The following ZFYVE26 variants were observed in gnomAD, a reference collection of about 807,000 sequenced individuals.
ZFYVE26 encodes the protein zinc finger FYVE domain-containing protein 26.
ZFYVE26 carries 181 observed loss-of-function variants against 276.5 expected under a neutral mutation model. The ratio of observed to expected loss-of-function variants is 0.65; its 90% CI spans 0.58 to 0.74. ZFYVE26 has a LOEUF of 0.74. ZFYVE26 is among the 30% of genes least tolerant of loss of function. ZFYVE26 has a pLI of 0.00. For synonymous variants in ZFYVE26, 1,129 were observed against 1,203.1 expected (o/e 0.94, Z 1.27); for missense variants, 2,821 against 3,097.9 (o/e 0.91, Z 2.12).
intron 37 of ZFYVE26, 59 bp downstream of exon 37, chr14:67,754,992 C>A: frequency 6.3e-7 from 1 of 1,586,934 alleles, no homozygotes; most frequent in South Asian, 1.1e-5. Context: ...TCATCACCTA[C>A]AGACAACTGC....
chr14:67,797,393 A>T (rs990101649), intron 12 of ZFYVE26: 14 of 474,820 alleles, frequency 2.9e-5, no homozygotes, highest in Admixed American at 9.9e-5. Flanking sequence ...ATACATCTGT[A>T]TATATAAAAG....
chr14:67,760,857 G>GA lies in ZFYVE26; in HGVS notation c.6588+508dup, dbSNP rs1325256115. 7 of 201,664 alleles carry GA rather than the reference G, an allele frequency of 3.5e-5. No homozygotes were observed. The South Asian group carries it at 6.4e-4, about 18-fold the overall frequency. The allele number at this position is 201,664 out of a possible 1,614,324, so 12.5% of individuals were successfully genotyped here. A position where few individuals can be genotyped will look rare whatever the true frequency, so the allele number is the denominator to read the frequency against. ...GGGAGGGGGGCAGAGGATGGGAGAAGAAAAAAAGGAGAGCATATTCTTCTT... is the reference window on the plus strand; with the variant it reads ...GGGAGGGGGGCAGAGGATGGGAGAAGAAAAAAAAGGAGAGCATATTCTTCTT... On this transcript the variant is annotated intron_variant, in intron 35 of 41. Coordinates refer to ENST00000347230, the MANE Select transcript of ZFYVE26 (RefSeq NM_015346.4).
At chr14:67,761,157 C>A in intron 35 of ZFYVE26, 1 of 683,962 alleles carries the variant, frequency 1.5e-6, no homozygotes, top group South Asian at 1.5e-5. Context: ...CTGGTGAGGG[C>A]AGTGATTTGG....
intron 35 of ZFYVE26, among the ~76,000 whole-genome samples, chr14:67,757,680 T>C (rs754816598): frequency 1.4e-5 from 2 of 144,782 alleles, no homozygotes; most frequent in Middle Eastern, 3.4e-3. Flanking sequence ...CTTTCTTTCT[T>C]TCTCTCTCTC....
intron 4 of ZFYVE26, among the ~76,000 whole-genome samples, chr14:67,808,726 T>A (rs1294324605): frequency 6.6e-6 from 1 of 152,064 alleles, no homozygotes; most frequent in Non-Finnish European, 1.5e-5. Flanking sequence ...ACTGTAAATA[T>A]GTCTTTAATT....
At chr14:67,739,526 CT>C (rs1303354104) in intron 13 of ZFYVE26, among the ~76,000 whole-genome samples, 1 of 150,444 alleles carries the variant, frequency 6.6e-6, no homozygotes, top group South Asian at 2.1e-4. Context: ...TTTTTTTTTA[CT>C]TTTTTTTCTT....
intron 13 of ZFYVE26, among the ~76,000 whole-genome samples, chr14:67,739,986 T>A (rs902720015): frequency 6.6e-6 from 1 of 151,978 alleles, no homozygotes; most frequent in Non-Finnish European, 1.5e-5. Context: ...GGAATGGGGG[T>A]GGGAGGGTGG....
At chr14:67,766,484 T>A in intron 31 of ZFYVE26, 37 bp from the exon 32 acceptor site, 1 of 1,597,254 alleles carries the variant, frequency 6.3e-7, no homozygotes, top group Non-Finnish European at 8.6e-7. Context: ...ACACGGTGAG[T>A]CCAGGGGCCA....
At chr14:67,767,586 A>G (rs897501111) in intron 31 of ZFYVE26, 118 bp downstream of exon 31, 4 of 1,367,836 alleles carry the variant, frequency 2.9e-6, no homozygotes, top group Non-Finnish European at 4.1e-6. Context: ...TTTAGCTCCC[A>G]TATTATTGCA....
chr14:67,767,235 A>T (rs1286922717), intron 31 of ZFYVE26, among the ~76,000 whole-genome samples: 2 of 152,210 alleles, frequency 1.3e-5, no homozygotes, highest in Non-Finnish European at 2.9e-5. Flanking sequence ...TTACTGCAGA[A>T]TGTAAGGCCC....
chr14:67,787,587 C>T (rs926602190), intron 16 of ZFYVE26, among the ~76,000 whole-genome samples: 1 of 151,952 alleles, frequency 6.6e-6, no homozygotes, highest in Non-Finnish European at 1.5e-5. Context: ...TCCATAAATA[C>T]ATACACCGAC....
downstream of ZFYVE26, among the ~76,000 whole-genome samples, chr14:67,742,848 T>C (rs2038432535): frequency 2.1e-5 from 3 of 143,514 alleles, no homozygotes; most frequent in South Asian, 6.6e-4. Context: ...CTTTTTTTTT[T>C]TTTTTTTTTG....
At chr14:67,731,207 C>CTT (rs71129853) in intron 13 of ZFYVE26, among the ~76,000 whole-genome samples, 104 of 90,520 alleles carry the variant, frequency 1.1e-3, no homozygotes, top group African/African-American at 2.3e-3. Context: ...TTCTTTCTTT[C>CTT]TTTTTTTTTT....
chr14:67,768,677 G>T, intron 29 of ZFYVE26, 129 bp from the exon 30 acceptor site: 1 of 844,716 alleles, frequency 1.2e-6, no homozygotes, highest in Non-Finnish European at 2.0e-6. Flanking sequence ...TAGAATTGTT[G>T]AATGAAAGAG....
At chr14:67,814,866 T>C (rs1276941580) in intron 2 of ZFYVE26, among the ~76,000 whole-genome samples, 1 of 152,220 alleles carries the variant, frequency 6.6e-6, no homozygotes, top group East Asian at 1.9e-4. Context: ...CACTTAAGTT[T>C]CTCCATCGTA....
At chr14:67,758,978 G>A (rs1343169724) in intron 35 of ZFYVE26, among the ~76,000 whole-genome samples, 1 of 152,054 alleles carries the variant, frequency 6.6e-6, no homozygotes, top group African/African-American at 2.4e-5. Context: ...GGTGGCTCAC[G>A]CCTCTAATCC....
Position 67,805,446 on chromosome 14 carries a change from A to T in ZFYVE26, c.1182+8T>A. ...CCAGAGCAGCCTGGGATGCTGAGTG[A>T]GAGTTACCTGGGTCCTGTGCAGGGT... On this transcript the variant is annotated splice_region_variant and intron_variant, in intron 7 of 41. Coordinates refer to ENST00000347230, the MANE Select transcript of ZFYVE26 (RefSeq NM_015346.4). 1 of 1,614,132 alleles carries T rather than the reference A, an allele frequency of 6.2e-7. No homozygotes were observed.
intron 18 of ZFYVE26, among the ~76,000 whole-genome samples, chr14:67,785,536 T>C (rs1351059739): frequency 6.6e-6 from 1 of 152,198 alleles, no homozygotes; most frequent in African/African-American, 2.4e-5. Context: ...TCCTTGTCTC[T>C]GGGGTGGAAC....
At position 67,762,386 on chromosome 14, in the gene ZFYVE26, G is replaced by A. The variant is rs1856257089; in HGVS notation, c.6186C>T (p.Thr2062=). 1 of 1,614,046 alleles carries A rather than the reference G, an allele frequency of 6.2e-7. No individual in the cohort carries two copies. Among genetic ancestry groups the A allele is most frequent in the Non-Finnish European group, 8.5e-7 (1 of 1,179,964 alleles). Reference sequence around the variant, plus strand: ...TGCCCCAAGCATGCCACGCCCCGGTGGTATCAAGCCCAGTCTTTGTGGAGA... The same window carrying A: ...TGCCCCAAGCATGCCACGCCCCGGTAGTATCAAGCCCAGTCTTTGTGGAGA... ...VEVSTKTGLD[T]TGAWHAWGMA... Residue 2062 remains threonine (T), a synonymous_variant, in exon 34 of 42, where the codon ACC becomes ACT. Coordinates refer to ENST00000347230, the MANE Select transcript of ZFYVE26 (RefSeq NM_015346.4).
Sources: gnomAD v4.1 joint callset for allele counts (sites outside exome capture counted in the v4.1 genomes callset) on GRCh38, gnomAD v4.1.1 for gene constraint, MANE v1.5 for transcripts, NCBI Gene and HGNC (gene_info 2026-07-23, HGNC 2026-07-21) for gene names.